Variants in VWA8 observed in about 807,000 individuals in gnomAD.
The protein encoded by VWA8 is von Willebrand factor A domain-containing protein 8.
In VWA8, 221 loss-of-function variants were observed where a neutral mutation model predicts 241.5. The observed-to-expected ratio is 0.91, with a 90% confidence interval of 0.82 to 1.02. VWA8 has a LOEUF of 1.02. Ranked by LOEUF, VWA8 falls within the 50% of genes least tolerant of loss-of-function variation. The pLI is 0.00. For synonymous variants in VWA8, 852 were observed against 827.1 expected, an observed-to-expected ratio of 1.03 and a Z score of -0.52; for missense variants, 2,322 against 2,328.7, an observed-to-expected ratio of 1.00 and a Z score of 0.06.
chr13:41,763,152 G>A (rs2045753270), intron 20 of VWA8, among the ~76,000 whole-genome samples: 1 of 151,998 alleles, frequency 6.6e-6, no homozygotes, highest in Admixed American at 6.6e-5. Flanking sequence ...AGCCAGGCAT[G>A]GTGGCACATG....
chr13:41,801,013 T>C (rs1869933338), intron 17 of VWA8, among the ~76,000 whole-genome samples: 1 of 152,158 alleles, frequency 6.6e-6, no homozygotes, highest in Admixed American at 6.5e-5. Flanking sequence ...ACTGAATTAG[T>C]AATAAATTGT....
intron 2 of VWA8, among the ~76,000 whole-genome samples, chr13:41,923,490 C>T (rs941791502): frequency 6.6e-6 from 1 of 151,994 alleles, no homozygotes; most frequent in African/African-American, 2.4e-5. Context: ...GAAATGTATC[C>T]ACTTTTGCCT....
At position 41,907,610 on chromosome 13, in the gene VWA8, T is replaced by C. The variant is rs779257243; in HGVS notation, c.459A>G (p.Ala153=). The C allele has an allele frequency of 1.2e-6, 2 of 1,614,190 alleles. No individual in the cohort carries two copies. Among genetic ancestry groups the C allele is most frequent in the Non-Finnish European group, 8.5e-7 (1 of 1,180,006 alleles). The change falls in exon 4 of 45, where the codon GCA becomes GCG. Residue 153 remains alanine (A), a synonymous_variant. Transcript: ENST00000379310. Reference sequence around the variant, plus strand: ...CCTGATCAATGTAAAAGGCTGTGCCTGCACGGATCTCTCGTCGCTGTTTGA... The same window carrying C: ...CCTGATCAATGTAAAAGGCTGTGCCCGCACGGATCTCTCGTCGCTGTTTGA... The part of the protein sequence containing the change: ...TDLKQRREIR[A]GTAFYIDQCA...
intron 14 of VWA8, among the ~76,000 whole-genome samples, chr13:41,824,269 T>C (rs930179065): frequency 1.3e-5 from 2 of 152,176 alleles, no homozygotes; most frequent in African/African-American, 4.8e-5. Flanking sequence ...CATGTGTAGA[T>C]ACTGGCCCTA....
intron 12 of VWA8, among the ~76,000 whole-genome samples, chr13:41,860,176 T>A (rs1003496965): frequency 2.6e-5 from 4 of 152,314 alleles, no homozygotes; most frequent in Admixed American, 2.6e-4. Context: ...TATTTCTCTA[T>A]CCCTTTCCAA....
At position 41,690,268 on chromosome 13, in the gene VWA8, G is replaced by T. The variant is rs2045167261; in HGVS notation, c.3874C>A (p.Leu1292Ile). ...LVESKTNQKY[L>I]LTKPAHIESE... is the part of the protein sequence containing the mutation. The stretch of plus-strand genomic sequence containing the variant: ...TCGATGTGTGCAGGCTTAGTTAAAA[G>T]ATATTTCCTGCAAACAAACAAAACA... The change falls in exon 33 of 45, where the codon CTT (leucine) becomes ATT (isoleucine). Residue 1292 changes from leucine to isoleucine, a missense_variant. Physicochemically the swap from Leu to Ile is conservative, Grantham distance 5. Transcript: ENST00000379310. 1.2e-6 allele frequency: 2 copies of T among 1,606,296 alleles called. No homozygotes were observed. The highest frequency in any genetic ancestry group is 1.7e-6 in the Non-Finnish European group (2 of 1,176,306).
intron 21 of VWA8, among the ~76,000 whole-genome samples, chr13:41,743,329 C>G (rs1386063432): frequency 1.3e-5 from 2 of 152,236 alleles, no homozygotes; most frequent in Admixed American, 6.5e-5. Flanking sequence ...CTGGTTCTCA[C>G]TGCTACAAGC....
At chr13:41,633,267 G>T (rs949896338) in intron 37 of VWA8, among the ~76,000 whole-genome samples, 9 of 152,186 alleles carry the variant, frequency 5.9e-5, no homozygotes, top group African/African-American at 1.9e-4. Context: ...ATATAAGCTG[G>T]TATGGATTCT....
chr13:41,571,325 C>G (rs1225000841), intron 43 of VWA8, among the ~76,000 whole-genome samples: 2 of 102,848 alleles, frequency 1.9e-5, no homozygotes, highest in South Asian at 7.6e-4. Context: ...CTCTCCCTCT[C>G]CCGTCTCCCT....
chr13:41,701,992 C>T (rs532167426), intron 27 of VWA8, among the ~76,000 whole-genome samples: 15 of 152,270 alleles, frequency 9.9e-5, no homozygotes, highest in Non-Finnish European at 1.9e-4. Flanking sequence ...AAATTAAATG[C>T]AAAACATGTG....
At chr13:41,949,831 A>G (rs1250159699) in intron 2 of VWA8, 105 bp downstream of exon 2, 1 of 572,768 alleles carries the variant, frequency 1.7e-6, no homozygotes, top group Non-Finnish European at 2.9e-6. Flanking sequence ...CTGGATGATA[A>G]AATCATTAGG....
intron 37 of VWA8, among the ~76,000 whole-genome samples, chr13:41,648,353 T>C (rs530180812): frequency 6.6e-6 from 1 of 152,336 alleles, no homozygotes; most frequent in East Asian, 1.9e-4. Flanking sequence ...CCCTCTTTCC[T>C]CATACAGAAC....
At position 41,587,623 on chromosome 13, in the gene VWA8, A is replaced by G; in HGVS notation, c.5160T>C (p.Asp1720=). 6.2e-7 allele frequency: 1 copy of G among 1,614,204 alleles called. No homozygotes were observed. The highest frequency in any genetic ancestry group is 8.5e-7 in the Non-Finnish European group (1 of 1,180,036). The change falls in exon 42 of 45, where the codon GAT becomes GAC. Residue 1720 remains aspartate (D), a synonymous_variant. Transcript: ENST00000379310. ...TGAAACGGTACATGCTACCAGACAC[A>G]TCTACCACCAGGCGCAGACGCTTGG... ...QKPKRLRLVV[D]VSGSMYRFNR... is the part of the protein sequence containing the mutation.
chr13:41,830,052 C>G (rs2137999225), intron 14 of VWA8, among the ~76,000 whole-genome samples: 1 of 152,200 alleles, frequency 6.6e-6, no homozygotes, highest in East Asian at 1.9e-4. Flanking sequence ...ACCATCCTGG[C>G]TAACAAGGTG....
At chr13:41,570,063 TACAC>T (rs1170561898) in intron 44 of VWA8, among the ~76,000 whole-genome samples, 10 of 152,274 alleles carry the variant, frequency 6.6e-5, no homozygotes, top group Admixed American at 4.6e-4. Flanking sequence ...CAGACATTCA[TACAC>T]ACACACTATC....
In VWA8 at chr13:41,685,201, C is replaced by CAAAGATGAT. The variant is rs777877389; in HGVS notation, c.4164_4172dup (p.Ser1389_Leu1391dup). 1.2e-6 allele frequency: 2 copies of CAAAGATGAT among 1,613,114 alleles called. No individual in the cohort carries two copies. The highest frequency in any genetic ancestry group is 2.2e-5 in the South Asian group (2 of 91,004). On this transcript the variant is annotated inframe_insertion, in exon 35 of 45. Transcript: ENST00000379310. ...ATGTATCAGTGCCACTTCGTTTATG[C>CAAAGATGAT]AAAGATGATGGTCTCTTCCAAGAAT...
In VWA8 at chr13:41,729,578, C is replaced by A; in HGVS notation, c.2602G>T (p.Glu868Ter). The change falls in exon 23 of 45, where the codon GAA becomes TAA. Residue 868 changes from glutamate (E) to a stop codon, truncating the protein, a stop_gained. Transcript: ENST00000379310. LOFTEE classifies it high-confidence loss of function. ...CGTCTTCCATCTGCTAGAATCATTT[C>A]TCCATTTTCTACTAGAGTTTTTAAA... is the stretch of plus-strand genomic sequence containing the variant. ...CILKTLVENG[E>*]MILADGRRIV... The A allele has an allele frequency of 6.2e-7, 1 of 1,612,694 alleles. No homozygotes were observed. The highest frequency in any genetic ancestry group is 8.5e-7 in the Non-Finnish European group (1 of 1,179,348).
intron 39 of VWA8, among the ~76,000 whole-genome samples, chr13:41,606,599 T>C (rs2044555076): frequency 6.6e-6 from 1 of 152,178 alleles, no homozygotes; most frequent in African/African-American, 2.4e-5. Flanking sequence ...TTGCTGAAAC[T>C]CTTATCTAAT....
chr13:41,898,619 G>A (rs979403298), intron 4 of VWA8, among the ~76,000 whole-genome samples: 2 of 152,372 alleles, frequency 1.3e-5, no homozygotes, highest in South Asian at 2.1e-4. Flanking sequence ...ACTGGGCGCC[G>A]TGGAGCAGGG....
Sources: allele counts gnomAD v4.1 joint callset (sites outside exome capture counted in the v4.1 genomes callset), GRCh38; gene constraint gnomAD v4.1.1; transcripts MANE v1.5; gene names NCBI Gene and HGNC (gene_info 2026-07-23, HGNC 2026-07-21).